The following FRMD3 variants were observed in gnomAD, a reference collection of about 807,000 sequenced individuals.
The protein encoded by FRMD3 is FERM domain containing 3, also known as FERM domain-containing protein 3.
Under a neutral mutation model 70.2 loss-of-function variants are expected in FRMD3, and 33 were observed. That is an observed-to-expected ratio of 0.47 (90% CI 0.36 to 0.63). The LOEUF (loss-of-function observed/expected upper bound fraction) is 0.63, where lower values mean the gene tolerates loss of function less well. Among genes scored for constraint, FRMD3 ranks in the 20% least tolerant of loss-of-function variants. FRMD3 has a pLI of 0.00. For missense variants in FRMD3, 632 were observed against 711.4 expected, an observed-to-expected ratio of 0.89 and a Z score of 1.27; for synonymous variants, 279 against 255.9, an observed-to-expected ratio of 1.09 and a Z score of -0.86.
Position 83,353,272 on chromosome 9 carries a change from T to A in FRMD3, c.296-3515A>T, listed in dbSNP as rs117083820. 5.4e-4 allele frequency among the ~76,000 whole-genome samples: 61 copies of A among 113,654 alleles called. 2 individuals carry two copies. The East Asian group carries it at 0.015, about 28-fold the overall frequency. The allele number at this position is 113,654 out of a possible 152,430, so 74.6% of individuals were successfully genotyped here. On this transcript the variant is annotated intron_variant, in intron 3 of 13. Transcript: ENST00000304195. ...CTTCATCCAGGCCTGACGAGGCCAC[T>A]GCAGTGGGGTGGGGGAGGGGGGGCA...
chr9:83,550,687 A>AGT, the FRMD3 span, among the ~76,000 whole-genome samples: 28,341 of 138,738 alleles, frequency 0.2, 2,794 homozygotes, highest in Middle Eastern at 0.25. Flanking sequence ...AGTCCTAGGT[A>AGT]GTGTGTGTGT....
At chr9:83,410,388 C>T (rs1458395788) in intron 1 of FRMD3, among the ~76,000 whole-genome samples, 3 of 152,262 alleles carry the variant, frequency 2.0e-5, no homozygotes, top group Middle Eastern at 3.4e-3. Context: ...CTTATACATG[C>T]GAACATGCAG....
At chr9:83,568,446 T>C in the FRMD3 span, among the ~76,000 whole-genome samples, 2 of 152,222 alleles carry the variant, frequency 1.3e-5, no homozygotes, top group East Asian at 3.8e-4. Flanking sequence ...ACATATCAAG[T>C]ACCACTTTGC....
intron 1 of FRMD3, among the ~76,000 whole-genome samples, chr9:83,411,014 G>A (rs1826263709): frequency 1.3e-5 from 2 of 152,158 alleles, no homozygotes; most frequent in African/African-American, 4.8e-5. Context: ...ACATGACTCT[G>A]AATGACAGAG....
chr9:83,422,375 GC>G (rs1187367942), intron 1 of FRMD3, among the ~76,000 whole-genome samples: 3 of 152,052 alleles, frequency 2.0e-5, no homozygotes, highest in African/African-American at 7.2e-5. Flanking sequence ...GATCACTCTA[GC>G]CCCTTCCCAC....
chr9:83,517,917 G>T (rs1024342063), intron 1 of FRMD3, among the ~76,000 whole-genome samples: 15 of 152,134 alleles, frequency 9.9e-5, no homozygotes, highest in Non-Finnish European at 2.2e-4. Context: ...TGCAGAAAAG[G>T]TCTTTGATAA....
At chr9:83,387,313 G>A (rs1488616192) in intron 2 of FRMD3, among the ~76,000 whole-genome samples, 6 of 152,094 alleles carry the variant, frequency 3.9e-5, no homozygotes, top group African/African-American at 1.4e-4. Context: ...ATGGACTCAT[G>A]GATATTTATT....
intron 1 of FRMD3, among the ~76,000 whole-genome samples, chr9:83,497,029 A>T (rs1437970074): frequency 6.6e-6 from 1 of 152,078 alleles, no homozygotes; most frequent in Non-Finnish European, 1.5e-5. Flanking sequence ...CAGGAGAATC[A>T]CTCGAACCTG....
intron 1 of FRMD3, among the ~76,000 whole-genome samples, chr9:83,498,820 T>A (rs11140128): frequency 0.059 from 9,007 of 152,138 alleles, 395 homozygotes; most frequent in East Asian, 0.25. Flanking sequence ...AGACCTTCCA[T>A]CCTCTTTCCC....
chr9:83,504,344 G>C (rs144485572), intron 1 of FRMD3, among the ~76,000 whole-genome samples: 5 of 152,134 alleles, frequency 3.3e-5, no homozygotes, highest in Admixed American at 6.5e-5. Flanking sequence ...ATTCTCAACA[G>C]AGCAAGTGCA....
chr9:83,254,963 CT>C (rs1299136959), intron 13 of FRMD3, among the ~76,000 whole-genome samples: 13 of 152,244 alleles, frequency 8.5e-5, no homozygotes, highest in African/African-American at 3.1e-4. Flanking sequence ...CAAAGAAAAG[CT>C]GGTACCATTT....
At chr9:83,430,313 C>G (rs1399123322) in intron 1 of FRMD3, among the ~76,000 whole-genome samples, 3 of 152,288 alleles carry the variant, frequency 2.0e-5, no homozygotes, top group East Asian at 3.9e-4. Flanking sequence ...AAATAAAACC[C>G]CAAGATTGGC....
intron 9 of FRMD3, 72 bp from the exon 10 acceptor site, chr9:83,309,696 T>A (rs1535749): frequency 0.25 from 229,777 of 917,224 alleles, 30,967 homozygotes; most frequent in East Asian, 0.41. Flanking sequence ...TTTTTTTTTT[T>A]CAGGTGTTTA....
chr9:83,363,242 T>C (rs969825618), intron 3 of FRMD3, among the ~76,000 whole-genome samples: 2 of 152,180 alleles, frequency 1.3e-5, no homozygotes, highest in Admixed American at 6.5e-5. Flanking sequence ...CTACACGCTA[T>C]ATAGTCACAT....
intron 13 of FRMD3, among the ~76,000 whole-genome samples, chr9:83,258,496 G>A (rs1832827813): frequency 6.6e-6 from 1 of 152,220 alleles, no homozygotes; most frequent in Non-Finnish European, 1.5e-5. Context: ...TGGAAGCAAT[G>A]CAATATTGGG....
intron 1 of FRMD3, among the ~76,000 whole-genome samples, chr9:83,504,597 TC>T (rs35206692): frequency 0.63 from 95,621 of 151,078 alleles, 30,516 homozygotes; most frequent in African/African-American, 0.69. Flanking sequence ...TCATTTGACT[TC>T]CCCCCCCACC....
chr9:83,267,420 G>T, intron 13 of FRMD3: 1 of 652,346 alleles, frequency 1.5e-6, no homozygotes, highest in Non-Finnish European at 2.2e-6. Context: ...GACCAAAACA[G>T]AGGACCCTGT....
In FRMD3 at chr9:83,313,743, G is replaced by GC. The variant is rs1478015369; in HGVS notation, c.600dup (p.Gln201AlafsTer7). 1 of 1,613,434 alleles carries GC rather than the reference G, an allele frequency of 6.2e-7. No homozygotes were observed. The highest frequency in any genetic ancestry group is 1.3e-5 in the African/African-American group (1 of 74,920). ...TTAAATTCAGCAACTGGTGGGCTCT[G>GC]CCCCCTAAAATCACACAAGAAAAGT... On this transcript the variant is annotated frameshift_variant, in exon 7 of 14. Transcript: ENST00000304195. LOFTEE classifies it high-confidence loss of function.
chr9:83,547,441 T>C, the FRMD3 span, among the ~76,000 whole-genome samples: 1 of 151,648 alleles, frequency 6.6e-6, no homozygotes, highest in Admixed American at 6.6e-5. Flanking sequence ...TTACTGTTTG[T>C]CCCTATCATT....
Sources: gnomAD v4.1 joint callset for allele counts (sites outside exome capture counted in the v4.1 genomes callset) on GRCh38, gnomAD v4.1.1 for gene constraint, MANE v1.5 for transcripts, NCBI Gene and HGNC (gene_info 2026-07-23, HGNC 2026-07-21) for gene names.